Variants in RBFOX1 observed in about 807,000 individuals in gnomAD.
The protein encoded by RBFOX1 is RNA binding fox-1 homolog 1, also known as RNA binding protein fox-1 homolog 1.
RBFOX1 carries 8 observed loss-of-function variants against 57.7 expected under a neutral mutation model. The observed-to-expected ratio is 0.14, with a 90% CI of 0.08 to 0.25. The LOEUF (loss-of-function observed/expected upper bound fraction) is 0.25, where lower values mean the gene tolerates loss of function less well. Among genes scored for constraint, RBFOX1 ranks in the 10% least tolerant of loss-of-function variants. The pLI, the probability that RBFOX1 is intolerant of heterozygous loss-of-function variation, is 1.00. For synonymous variants in RBFOX1, 326 were observed against 222.4 expected, an observed-to-expected ratio of 1.47 and a Z score of -4.15; for missense variants, 611 against 548.5, an observed-to-expected ratio of 1.11 and a Z score of -1.14.
intron 3 of RBFOX1, among the ~76,000 whole-genome samples, chr16:5,751,242 G>A (rs2053188154): frequency 6.6e-6 from 1 of 152,192 alleles, no homozygotes; most frequent in Admixed American, 6.5e-5. Flanking sequence ...TAGACTAGGT[G>A]ATTATGAAGT....
At chr16:7,430,990 G>A (rs950166804) in intron 4 of RBFOX1, among the ~76,000 whole-genome samples, 1 of 152,158 alleles carries the variant, frequency 6.6e-6, no homozygotes, top group Non-Finnish European at 1.5e-5. Flanking sequence ...AATCTATGTT[G>A]TATGGTAGTT....
intron 2 of RBFOX1, among the ~76,000 whole-genome samples, chr16:6,393,341 A>G (rs1194297053): frequency 6.6e-6 from 1 of 152,202 alleles, no homozygotes; most frequent in African/African-American, 2.4e-5. Context: ...CTAGATAGAC[A>G]GTCACCTGTG....
chr16:5,589,102 G>A (rs994263350), intron 2 of RBFOX1, among the ~76,000 whole-genome samples: 3 of 152,168 alleles, frequency 2.0e-5, no homozygotes, highest in Admixed American at 6.5e-5. Flanking sequence ...GGAAGAAACC[G>A]CCTCCTTATG....
intron 4 of RBFOX1, among the ~76,000 whole-genome samples, chr16:7,380,558 C>T (rs974382821): frequency 2.0e-5 from 3 of 152,188 alleles, no homozygotes; most frequent in African/African-American, 7.2e-5. Context: ...TATTGATAGA[C>T]ATTTGTATTT....
chr16:5,813,917 G>A (rs2151786268), intron 3 of RBFOX1, among the ~76,000 whole-genome samples: 1 of 152,308 alleles, frequency 6.6e-6, no homozygotes, highest in African/African-American at 2.4e-5. Context: ...TGAAATTTTA[G>A]GATTGGCTTA....
intron 4 of RBFOX1, among the ~76,000 whole-genome samples, chr16:7,274,574 C>G (rs530325463): frequency 2.0e-5 from 3 of 152,172 alleles, no homozygotes; most frequent in African/African-American, 4.8e-5. Flanking sequence ...AATCACTTCT[C>G]TCTGGAACTA....
chr16:7,198,092 A>G (rs1256867269), intron 4 of RBFOX1, among the ~76,000 whole-genome samples: 4 of 130,428 alleles, frequency 3.1e-5, no homozygotes, highest in South Asian at 2.4e-4. Flanking sequence ...TGCAAGCTCC[A>G]CCTCCTGGGT....
At chr16:5,660,988 A>G (rs1436505935) in intron 3 of RBFOX1, among the ~76,000 whole-genome samples, 1 of 152,178 alleles carries the variant, frequency 6.6e-6, no homozygotes, top group Non-Finnish European at 1.5e-5. Flanking sequence ...AGGTAGCGCC[A>G]TGTTAAATGA....
intron 1 of RBFOX1, among the ~76,000 whole-genome samples, chr16:6,310,072 G>C (rs566727990): frequency 3.3e-5 from 5 of 152,094 alleles, no homozygotes; most frequent in Admixed American, 6.5e-5. Context: ...ATTTTTAGTA[G>C]GGATGGGGTT....
At chr16:5,279,823 T>G (rs1450943103) in intron 1 of RBFOX1, among the ~76,000 whole-genome samples, 1 of 152,134 alleles carries the variant, frequency 6.6e-6, no homozygotes, top group Non-Finnish European at 1.5e-5. Context: ...TTTTAAGAGT[T>G]TTTTTGGTGG....
chr16:7,340,497 G>A (rs148589705), intron 4 of RBFOX1, among the ~76,000 whole-genome samples: 5 of 152,262 alleles, frequency 3.3e-5, no homozygotes, highest in Admixed American at 6.5e-5. Context: ...TCTTCCACTC[G>A]TGTATTTGGG....
chr16:6,134,575 C>T lies in RBFOX1; in HGVS notation c.-127+114583C>T, dbSNP rs937561994. Among the ~76,000 whole-genome samples the T allele has an allele frequency of 4.6e-5, 7 of 152,250 alleles. No homozygotes were observed. The East Asian group carries it at 1.2e-3, about 25-fold the overall frequency. ...CCAAAGACATGACATTAGTTCTGCC[C>T]TACTCAGAAGGTATGGGCTGGGACA... On this transcript the variant is annotated intron_variant, in intron 1 of 15. Transcript: ENST00000550418.
chr16:6,422,537 G>C (rs1265421726), intron 2 of RBFOX1, among the ~76,000 whole-genome samples: 1 of 152,100 alleles, frequency 6.6e-6, no homozygotes, highest in Non-Finnish European at 1.5e-5. Flanking sequence ...AGAGGTCCAT[G>C]GTTCTGCAGG....
At chr16:7,502,910 C>G (rs1281443698) in intron 4 of RBFOX1, among the ~76,000 whole-genome samples, 1 of 152,132 alleles carries the variant, frequency 6.6e-6, no homozygotes, top group African/African-American at 2.4e-5. Context: ...GTAATCCTAG[C>G]TACTCGGGAG....
chr16:7,589,912 G>GGTGGGTGTGTGTGT (rs1555639488), intron 7 of RBFOX1, among the ~76,000 whole-genome samples: 15 of 134,946 alleles, frequency 1.1e-4, no homozygotes, highest in African/African-American at 4.1e-4. Context: ...GTGTGTGCTG[G>GGTGGGTGTGTGTGT]GTGTGTGTGT....
chr16:5,380,562 G>A (rs1432848910), intron 1 of RBFOX1, among the ~76,000 whole-genome samples: 2 of 152,222 alleles, frequency 1.3e-5, no homozygotes, highest in African/African-American at 4.8e-5. Context: ...TACCTTTGGG[G>A]ACAAGACTAG....
intron 4 of RBFOX1, among the ~76,000 whole-genome samples, chr16:7,180,083 A>G (rs2082404534): frequency 6.6e-6 from 1 of 152,048 alleles, no homozygotes; most frequent in Admixed American, 6.6e-5. Context: ...TTCTCAGAGA[A>G]AATATTTCTT....
At chr16:5,756,237 A>AG in intron 3 of RBFOX1, among the ~76,000 whole-genome samples, 1 of 151,050 alleles carries the variant, frequency 6.6e-6, no homozygotes, top group East Asian at 1.9e-4. Flanking sequence ...AAAAAAAAAA[A>AG]AAAAAAAAAA....
At chr16:5,382,392 CTT>C (rs34198517) in intron 1 of RBFOX1, among the ~76,000 whole-genome samples, 55 of 147,942 alleles carry the variant, frequency 3.7e-4, no homozygotes, top group East Asian at 1.8e-3. Flanking sequence ...CCATTTTCAT[CTT>C]TTTTTTTTTT....
Sources: gnomAD v4.1 joint callset for allele counts (sites outside exome capture counted in the v4.1 genomes callset) on GRCh38, gnomAD v4.1.1 for gene constraint, MANE v1.5 for transcripts, NCBI Gene and HGNC (gene_info 2026-07-23, HGNC 2026-07-21) for gene names.